The following HERC6 variants were observed in gnomAD, a reference collection of about 807,000 sequenced individuals.
The protein encoded by HERC6 is HECT and RLD domain containing E3 ubiquitin protein ligase family member 6.
A neutral mutation model predicts 114.5 loss-of-function variants in HERC6; 101 were observed. The ratio of observed to expected loss-of-function variants is 0.88; its 90% CI spans 0.75 to 1.04. The LOEUF is 1.04. Ranked by LOEUF, HERC6 falls within the 50% of genes least tolerant of loss-of-function variation. The probability of loss-of-function intolerance (pLI) is 0.00; values close to 1 mark genes in which losing one functional copy is unlikely to be tolerated. For synonymous variants in HERC6, 408 were observed against 436.2 expected (o/e 0.94, Z 0.81); for missense variants, 1,133 against 1,230.9 (o/e 0.92, Z 1.19).
intron 1 of HERC6, among the ~76,000 whole-genome samples, chr4:88,381,686 T>C (rs1309889725): frequency 6.6e-6 from 1 of 151,536 alleles, no homozygotes; most frequent in Non-Finnish European, 1.5e-5. Flanking sequence ...GCCTCCCAAG[T>C]AGCAGGGATT....
chr4:88,393,543 T>G lies in HERC6; in HGVS notation c.720T>G (p.Tyr240Ter). 6.2e-7 allele frequency: 1 copy of G among 1,613,010 alleles called. No homozygotes were observed. Among genetic ancestry groups the G allele is most frequent in the Non-Finnish European group, 8.5e-7 (1 of 1,179,272 alleles). Residue 240 changes from tyrosine to a stop codon, truncating the protein, a stop_gained, in exon 5 of 23, where the codon TAT (tyrosine) becomes TAG (stop). Coordinates refer to ENST00000264346, the MANE Select transcript of HERC6 (RefSeq NM_017912.4). LOFTEE classifies it high-confidence loss of function. ...CACTGAAGAATCTAGGTGTGGTTTA[T>G]ATCAGCTGTGGTGATGCACACACTG... ...VGALKNLGVV[Y>*]ISCGDAHTAV...
chr4:88,422,159 T>C (rs28396131), intron 13 of HERC6, among the ~76,000 whole-genome samples: 183 of 152,360 alleles, frequency 1.2e-3, no homozygotes, highest in African/African-American at 4.2e-3. Flanking sequence ...CTTTGATGTA[T>C]AGAAATGCAG....
rs911427325 is a variant in HERC6, at chr4:88,419,575, T to C, written c.1713+1996T>C. Among the ~76,000 whole-genome samples the C allele has an allele frequency of 2.0e-5, 3 of 152,156 alleles. No homozygotes were observed. The East Asian group carries it at 5.8e-4, about 29-fold the overall frequency. On this transcript the variant is annotated intron_variant, in intron 13 of 22. Transcript: ENST00000264346. ...AACTTTAATATGCATGCAAGTTACCTGAGATCTTGTTAAAAAATTCAGATT... is the reference window on the plus strand; with the variant it reads ...AACTTTAATATGCATGCAAGTTACCCGAGATCTTGTTAAAAAATTCAGATT...
intron 18 of HERC6, 42 bp downstream of exon 18, chr4:88,435,933 T>C (rs1352044856): frequency 6.9e-7 from 1 of 1,450,230 alleles, no homozygotes; most frequent in Non-Finnish European, 9.3e-7. Flanking sequence ...ATCTAGTAAG[T>C]CTCAGTTGTT....
In HERC6 at chr4:88,431,225, A is replaced by G. The variant is rs757813415; in HGVS notation, c.2170A>G (p.Met724Val). Residue 724 changes from methionine (M) to valine (V), a missense_variant, in exon 17 of 23, where the codon ATG (methionine) becomes GTG (valine). By Grantham distance (21) the Met-to-Val change is conservative. Around this residue, in one of 3 missense-constraint regions of HERC6, gnomAD observed 388 missense variants for 445.9 expected, o/e 0.87. Coordinates refer to ENST00000264346, the MANE Select transcript of HERC6 (RefSeq NM_017912.4). ...GGTTAGTTCAGAGTTCTTCCACTGTATGTTTGAAGAGATGACCAAGCCAGA... is the reference window on the plus strand; with the variant it reads ...GGTTAGTTCAGAGTTCTTCCACTGTGTGTTTGAAGAGATGACCAAGCCAGA... ...GGVSSEFFHC[M>V]FEEMTKPEYG... 1.2e-6 allele frequency: 2 copies of G among 1,613,352 alleles called. No individual in the cohort carries two copies. The highest frequency in any genetic ancestry group is 2.7e-5 in the African/African-American group (2 of 74,816).
chr4:88,414,203 G>T (rs1054087147), intron 12 of HERC6, among the ~76,000 whole-genome samples: 2 of 152,114 alleles, frequency 1.3e-5, no homozygotes, highest in Non-Finnish European at 2.9e-5. Context: ...CAGGCATTGT[G>T]GCTTACACCT....
intron 15 of HERC6, among the ~76,000 whole-genome samples, chr4:88,426,880 C>T (rs1737695478): frequency 6.6e-6 from 1 of 152,162 alleles, no homozygotes; most frequent in Admixed American, 6.5e-5. Context: ...TTGTAACATC[C>T]CTGGTAAAGG....
intron 16 of HERC6, among the ~76,000 whole-genome samples, chr4:88,429,409 C>G (rs1737962047): frequency 6.6e-6 from 1 of 152,170 alleles, no homozygotes; most frequent in African/African-American, 2.4e-5. Flanking sequence ...AATCAAACTG[C>G]TAGAGGAAGG....
intron 20 of HERC6, among the ~76,000 whole-genome samples, chr4:88,438,556 T>C (rs1739002764): frequency 6.6e-6 from 1 of 152,146 alleles, no homozygotes; most frequent in Non-Finnish European, 1.5e-5. Context: ...AAATGAATTA[T>C]TATGTAATAT....
chr4:88,398,518 CA>C (rs1221393172), intron 8 of HERC6: 13 of 202,818 alleles, frequency 6.4e-5, no homozygotes, highest in Non-Finnish European at 1.2e-4. Context: ...CAGCTGTTTC[CA>C]TCTTCAGGAG....
At chr4:88,401,525 A>G (rs1735544671) in intron 8 of HERC6, among the ~76,000 whole-genome samples, 1 of 152,006 alleles carries the variant, frequency 6.6e-6, no homozygotes, top group African/African-American at 2.4e-5. Context: ...AAAAAGAGAA[A>G]CAGTGAATAA....
At chr4:88,433,623 G>A (rs1312896487) in intron 17 of HERC6, among the ~76,000 whole-genome samples, 1 of 152,192 alleles carries the variant, frequency 6.6e-6, no homozygotes, top group African/African-American at 2.4e-5. Flanking sequence ...GGACTCTGCA[G>A]AGTTCTCATC....
intron 9 of HERC6, 130 bp downstream of exon 9, chr4:88,405,127 C>G: frequency 8.8e-7 from 1 of 1,131,964 alleles, no homozygotes; most frequent in Non-Finnish European, 1.2e-6. Flanking sequence ...CTTCTACAGC[C>G]TCTTAGTGTG....
chr4:88,424,586 A>AT lies in HERC6; in HGVS notation c.1828-3dup. ...ATTATCAAAACTATTATCTCTGTTT[A>AT]TTTTTTAGATACCTGCAGAAACCCC... On this transcript the variant is annotated splice_polypyrimidine_tract_variant and intron_variant, in intron 14 of 22. Coordinates refer to ENST00000264346, the MANE Select transcript of HERC6 (RefSeq NM_017912.4). 1 of 1,565,086 alleles carries AT rather than the reference A, an allele frequency of 6.4e-7. No homozygotes were observed. Among genetic ancestry groups the AT allele is most frequent in the South Asian group, 1.1e-5 (1 of 87,334 alleles).
In HERC6 at chr4:88,404,963, A is replaced by G. The variant is rs369850043; in HGVS notation, c.1180A>G (p.Lys394Glu). The change falls in exon 9 of 23, where the codon AAA (lysine) becomes GAA (glutamate). Residue 394 changes from lysine (K) to glutamate (E), a missense_variant. Physicochemically the swap from Lys to Glu is moderately conservative, Grantham distance 56 (BLOSUM62 1). Around this residue, in one of 3 missense-constraint regions of HERC6, gnomAD observed 735 missense variants for 754.0 expected, o/e 0.97. Coordinates refer to ENST00000264346, the MANE Select transcript of HERC6 (RefSeq NM_017912.4). ...CATGGCAGAAAAATGGATAGCAGTGAAAAGAAGAAGTACTGAACATGAAAT... is the reference window on the plus strand; with the variant it reads ...CATGGCAGAAAAATGGATAGCAGTGGAAAGAAGAAGTACTGAACATGAAAT... ...QSMAEKWIAV[K>E]RRSTEHEMAK... 9 of 1,613,724 alleles carry G rather than the reference A, an allele frequency of 5.6e-6. No homozygotes were observed. The highest frequency in any genetic ancestry group is 7.6e-6 in the Non-Finnish European group (9 of 1,179,780).
chr4:88,380,494 G>A (rs962587261), intron 1 of HERC6, among the ~76,000 whole-genome samples: 12 of 135,206 alleles, frequency 8.9e-5, no homozygotes, highest in Admixed American at 3.6e-4. Flanking sequence ...CGAGGCGGGC[G>A]GAGCACGAGG....
At chr4:88,381,258 A>G (rs1479783746) in intron 1 of HERC6, among the ~76,000 whole-genome samples, 1 of 152,166 alleles carries the variant, frequency 6.6e-6, no homozygotes, top group Non-Finnish European at 1.5e-5. Context: ...CTTAACTGAC[A>G]AAAGACAGAT....
chr4:88,439,780 A>T (rs961868355), intron 20 of HERC6, 94 bp from the exon 21 acceptor site: 1 of 1,194,080 alleles, frequency 8.4e-7, no homozygotes. Context: ...TTTCCTTCTC[A>T]ATAGAAATAG....
rs1736598267 is a variant in HERC6, at chr4:88,417,483, AG to A, written c.1618del (p.Ala540GlnfsTer24). The A allele has an allele frequency of 6.2e-7, 1 of 1,611,734 alleles. No individual in the cohort carries two copies. The highest frequency in any genetic ancestry group is 1.3e-5 in the African/African-American group (1 of 74,928). ...TGAATCCGCTGATCCAGATGCTTAA[AG>A]CAGCCATCATCTCTCAGCTGCTTCA... ...SLNPLIQMLK[A>X]AIISQLLHQT... On this transcript the variant is annotated frameshift_variant, in exon 13 of 23. Coordinates refer to ENST00000264346, the MANE Select transcript of HERC6 (RefSeq NM_017912.4). LOFTEE classifies it high-confidence loss of function.
Sources: allele counts gnomAD v4.1 joint callset (sites outside exome capture counted in the v4.1 genomes callset), GRCh38; gene constraint gnomAD v4.1.1; regional missense constraint gnomAD v4.1.1; transcripts MANE v1.5; gene names NCBI Gene and HGNC (gene_info 2026-07-23, HGNC 2026-07-21).